SLC22A9: variants seen among roughly 807,000 people sequenced by gnomAD.
SLC22A9 encodes the protein organic anion transporter 7.
SLC22A9 carries 64 observed loss-of-function variants against 50.1 expected under a neutral mutation model. The ratio of observed to expected loss-of-function variants is 1.28; its 90% confidence interval spans 1.04 to 1.57. SLC22A9 has a LOEUF of 1.57. SLC22A9 is among the 40% of genes most tolerant of loss of function. The pLI is 0.00. For synonymous variants in SLC22A9, 261 were observed against 242.5 expected (o/e 1.08, Z -0.71); for missense variants, 757 against 676.1 (o/e 1.12, Z -1.33).
intron 5 of SLC22A9, 82 bp downstream of exon 5, chr11:63,375,850 G>GT: frequency 6.6e-7 from 1 of 1,521,784 alleles, no homozygotes; most frequent in Non-Finnish European, 8.8e-7. Context: ...TGTCCATAAG[G>GT]TAAAAAAAGG....
intron 8 of SLC22A9, 115 bp downstream of exon 8, chr11:63,408,335 T>C (rs1166477023): frequency 2.4e-5 from 20 of 835,048 alleles, no homozygotes; most frequent in Non-Finnish European, 3.8e-5. Context: ...ATCATAACAG[T>C]CATAAACACA....
At chr11:63,382,812 A>C in intron 6 of SLC22A9, among the ~76,000 whole-genome samples, 1 of 152,178 alleles carries the variant, frequency 6.6e-6, no homozygotes, top group East Asian at 1.9e-4. Flanking sequence ...GATTTCCAAA[A>C]TAGAGGTAAG....
At chr11:63,405,906 A>G (rs1200298946) in intron 6 of SLC22A9, among the ~76,000 whole-genome samples, 2 of 152,202 alleles carry the variant, frequency 1.3e-5, no homozygotes, top group Non-Finnish European at 2.9e-5. Flanking sequence ...CTGTCTTCCA[A>G]AAAATTAATG....
intron 6 of SLC22A9, among the ~76,000 whole-genome samples, chr11:63,398,782 G>A (rs2014904514): frequency 6.6e-6 from 1 of 152,142 alleles, no homozygotes; most frequent in Non-Finnish European, 1.5e-5. Flanking sequence ...TTAAAACCAA[G>A]TACTGTGATC....
intron 6 of SLC22A9, among the ~76,000 whole-genome samples, chr11:63,392,867 C>T (rs2063801725): frequency 6.6e-6 from 1 of 152,008 alleles, no homozygotes; most frequent in African/African-American, 2.4e-5. Flanking sequence ...AAGATGATAC[C>T]TCAATAAGGG....
intron 6 of SLC22A9, among the ~76,000 whole-genome samples, chr11:63,389,198 A>G (rs1216851622): frequency 6.6e-6 from 1 of 151,424 alleles, no homozygotes; most frequent in African/African-American, 2.4e-5. Flanking sequence ...AAGTTCTGGG[A>G]TACATGTGCA....
At chr11:63,384,983 G>GT (rs369029527) in intron 6 of SLC22A9, among the ~76,000 whole-genome samples, 4 of 151,072 alleles carry the variant, frequency 2.6e-5, no homozygotes, top group East Asian at 3.9e-4. Context: ...TTTCAATGGA[G>GT]TTTTTTTGTT....
In SLC22A9 at chr11:63,406,622, CACTGAAATACATGA is replaced by C; in HGVS notation, c.1202_1215del (p.Leu401ProfsTer31). 1 of 1,613,820 alleles carries C rather than the reference CACTGAAATACATGA, an allele frequency of 6.2e-7. No homozygotes were observed. The highest frequency in any genetic ancestry group is 8.5e-7 in the Non-Finnish European group (1 of 1,179,854). ...CTGGCCAACTGTGTTGCACCTTGGG[CACTGAAATACATGA>C]ACCGTCGAGCAAGCCAGATGCTTCT... On this transcript the variant is annotated frameshift_variant, in exon 7 of 10. Coordinates refer to ENST00000279178, the MANE Select transcript of SLC22A9 (RefSeq NM_080866.3). LOFTEE classifies it high-confidence loss of function.
At chr11:63,370,488 A>G (rs573189261) in intron 1 of SLC22A9, 30 bp downstream of exon 1, 3 of 1,532,970 alleles carry the variant, frequency 2.0e-6, no homozygotes, top group African/African-American at 1.4e-5. Context: ...TCTCATGAGT[A>G]TGTGACCTGG....
chr11:63,370,917 G>A (rs1408561272), intron 1 of SLC22A9, among the ~76,000 whole-genome samples: 1 of 152,146 alleles, frequency 6.6e-6, no homozygotes, highest in African/African-American at 2.4e-5. Context: ...GAACCATTTA[G>A]TATGAAATAA....
At chr11:63,401,266 T>C (rs1414036132) in intron 6 of SLC22A9, among the ~76,000 whole-genome samples, 1 of 151,884 alleles carries the variant, frequency 6.6e-6, no homozygotes, top group Non-Finnish European at 1.5e-5. Context: ...AAAGACCCTC[T>C]CAAAAATCTA....
At chr11:63,398,356 G>C (rs554026524) in intron 6 of SLC22A9, among the ~76,000 whole-genome samples, 2 of 152,096 alleles carry the variant, frequency 1.3e-5, no homozygotes, top group East Asian at 1.9e-4. Flanking sequence ...CAGGTCCCCC[G>C]AGTTCACTGA....
intron 5 of SLC22A9, among the ~76,000 whole-genome samples, chr11:63,381,374 A>T (rs2014557473): frequency 6.6e-6 from 1 of 152,156 alleles, no homozygotes; most frequent in African/African-American, 2.4e-5. Context: ...CCTACCATCA[A>T]CATTATTTCT....
chr11:63,371,664 G>A (rs2014361808), intron 2 of SLC22A9, among the ~76,000 whole-genome samples: 1 of 152,194 alleles, frequency 6.6e-6, no homozygotes. Context: ...CAAGTGTGAT[G>A]AACACGCATT....
At chr11:63,395,175 C>A (rs901823860) in intron 6 of SLC22A9, among the ~76,000 whole-genome samples, 3 of 151,984 alleles carry the variant, frequency 2.0e-5, no homozygotes, top group African/African-American at 7.2e-5. Context: ...CTGCCCTGAG[C>A]TTTGCCTTTC....
chr11:63,370,912 A>G (rs1251282583), intron 1 of SLC22A9, among the ~76,000 whole-genome samples: 1 of 152,204 alleles, frequency 6.6e-6, no homozygotes, highest in Non-Finnish European at 1.5e-5. Flanking sequence ...TTTGAGAACC[A>G]TTTAGTATGA....
chr11:63,386,203 T>C (rs1190116721), intron 6 of SLC22A9, among the ~76,000 whole-genome samples: 1 of 152,116 alleles, frequency 6.6e-6, no homozygotes, highest in Non-Finnish European at 1.5e-5. Context: ...CAGTATTTTG[T>C]TGAGTATTTT....
Position 63,370,305 on chromosome 11 carries a change from G to A in SLC22A9, c.249G>A (p.Met83Ile). Residue 83 changes from methionine (M) to isoleucine (I), a missense_variant, in exon 1 of 10, where the codon ATG becomes ATA. Physicochemically the swap from Met to Ile is conservative, Grantham distance 10. Transcript: ENST00000279178. ...TCTCCATCCCACTGGACTCAAACAT[G>A]AGGCCAGAGAAGTGTCGTCGCTTTG... ...LRISIPLDSNMRPEKCRRFVH... is the reference protein window; with the variant it reads ...LRISIPLDSNIRPEKCRRFVH... The A allele has an allele frequency of 6.2e-7, 1 of 1,614,024 alleles. No homozygotes were observed. The highest frequency in any genetic ancestry group is 8.5e-7 in the Non-Finnish European group (1 of 1,179,932).
intron 6 of SLC22A9, among the ~76,000 whole-genome samples, chr11:63,383,442 C>G (rs1238605521): frequency 6.6e-6 from 1 of 152,096 alleles, no homozygotes; most frequent in East Asian, 1.9e-4. Context: ...TCTCTCTGAT[C>G]AGAAATATGC....
Sources: allele counts gnomAD v4.1 joint callset (sites outside exome capture counted in the v4.1 genomes callset), GRCh38; gene constraint gnomAD v4.1.1; transcripts MANE v1.5; gene names NCBI Gene and HGNC (gene_info 2026-07-23, HGNC 2026-07-21).